Variants in ARHGEF3 observed in about 807,000 individuals in gnomAD.
ARHGEF3 encodes 59.8 kDA protein.
In ARHGEF3, 28 loss-of-function variants were observed where a neutral mutation model predicts 63.2. The observed-to-expected ratio is 0.44, with a 90% confidence interval of 0.33 to 0.61. The LOEUF is 0.61. Ranked by LOEUF, ARHGEF3 falls within the 20% of genes least tolerant of loss-of-function variation. The pLI is 0.03. For synonymous variants in ARHGEF3, 266 were observed against 254.2 expected, an observed-to-expected ratio of 1.05 and a Z score of -0.44; for missense variants, 533 against 659.3, an observed-to-expected ratio of 0.81 and a Z score of 2.10.
rs1255814409 is a variant in ARHGEF3, at chr3:56,735,187, G to A, written c.1041+1998C>T. On this transcript the variant is annotated intron_variant, in intron 8 of 9. Transcript: ENST00000296315. ...TAATCCCAGCTACTCGGGAAGCTGA[G>A]GCAGGAGAATTGCTTGAACCCTGGA... Among the ~76,000 whole-genome samples, 3 of 152,182 alleles carry A rather than the reference G, an allele frequency of 2.0e-5. 1 individual carries two copies. The highest frequency in any genetic ancestry group is 7.2e-5 in the African/African-American group (3 of 41,442).
intron 8 of ARHGEF3, among the ~76,000 whole-genome samples, chr3:56,734,174 A>G (rs1326907926): frequency 6.6e-6 from 1 of 152,078 alleles, no homozygotes; most frequent in Non-Finnish European, 1.5e-5. Flanking sequence ...GAGCTGGGGT[A>G]TATTTGCTCC....
At chr3:56,777,587 G>T (rs987392659) in intron 1 of ARHGEF3, among the ~76,000 whole-genome samples, 1 of 152,084 alleles carries the variant, frequency 6.6e-6, no homozygotes, top group Non-Finnish European at 1.5e-5. Flanking sequence ...AATGCCTATC[G>T]TACCAATATA....
At chr3:57,000,164 A>AT (rs1702132058) in intron 2 of ARHGEF3, among the ~76,000 whole-genome samples, 1 of 152,158 alleles carries the variant, frequency 6.6e-6, no homozygotes, top group Non-Finnish European at 1.5e-5. Context: ...AATGTTAGCT[A>AT]TTGTCATAGT....
intron 1 of ARHGEF3, among the ~76,000 whole-genome samples, chr3:57,038,651 C>T (rs572087227): frequency 5.1e-4 from 78 of 152,240 alleles, no homozygotes; most frequent in African/African-American, 1.9e-3. Context: ...TGCTATGTTG[C>T]CCAGGCTGGT....
intron 8 of ARHGEF3, among the ~76,000 whole-genome samples, chr3:56,735,402 A>G (rs2033539722): frequency 6.6e-6 from 1 of 152,006 alleles, no homozygotes. Flanking sequence ...CTGACCCAAG[A>G]CTTTATTCAC....
intron 3 of ARHGEF3, among the ~76,000 whole-genome samples, chr3:56,902,216 G>A (rs112176261): frequency 3.0e-4 from 46 of 152,308 alleles, no homozygotes; most frequent in African/African-American, 1.1e-3. Flanking sequence ...GCATGTGTCT[G>A]TGAATGACTG....
chr3:57,078,927 A>C (rs1327245098), intron 1 of ARHGEF3: 1 of 287,664 alleles, frequency 3.5e-6, no homozygotes, highest in African/African-American at 2.2e-5. Context: ...CCCCAGCAGG[A>C]GCGACGGCTA....
intron 2 of ARHGEF3, among the ~76,000 whole-genome samples, chr3:56,976,976 A>AGTACTATTTTCATACTACTACTACTATTC (rs1701148174): frequency 6.6e-6 from 1 of 152,080 alleles, no homozygotes; most frequent in Non-Finnish European, 1.5e-5. Context: ...GGGTAATATT[A>AGTACTATTTTCATACTACTACTACTATTC]GTACTATTTT....
intron 1 of ARHGEF3, among the ~76,000 whole-genome samples, chr3:57,043,856 A>T (rs1704332881): frequency 1.3e-5 from 2 of 152,234 alleles, no homozygotes; most frequent in South Asian, 4.1e-4. Flanking sequence ...AGCCAAGAAG[A>T]TGTACTCAAT....
At chr3:56,766,324 AGAG>A (rs982104375) in intron 2 of ARHGEF3, among the ~76,000 whole-genome samples, 2 of 152,228 alleles carry the variant, frequency 1.3e-5, no homozygotes, top group African/African-American at 4.8e-5. Context: ...TCTAAGGGCC[AGAG>A]GATGGAGCAA....
At chr3:56,879,608 C>T (rs2040701491) in intron 4 of ARHGEF3, among the ~76,000 whole-genome samples, 1 of 151,790 alleles carries the variant, frequency 6.6e-6, no homozygotes, top group Non-Finnish European at 1.5e-5. Flanking sequence ...CTTTCCCAAA[C>T]CCTCGCATCC....
At chr3:56,770,967 G>A (rs2035974186) in intron 2 of ARHGEF3, among the ~76,000 whole-genome samples, 2 of 152,074 alleles carry the variant, frequency 1.3e-5, no homozygotes, top group African/African-American at 2.4e-5. Context: ...CAAAAAATTA[G>A]CCAGGCGTGG....
intron 4 of ARHGEF3, among the ~76,000 whole-genome samples, chr3:56,877,531 C>T (rs1410895763): frequency 6.6e-6 from 1 of 152,018 alleles, no homozygotes; most frequent in Admixed American, 6.6e-5. Flanking sequence ...ATCACCATAC[C>T]TGGCTAATTT....
At chr3:56,981,924 C>T (rs1438865200) in intron 2 of ARHGEF3, among the ~76,000 whole-genome samples, 1 of 152,182 alleles carries the variant, frequency 6.6e-6, no homozygotes, top group Non-Finnish European at 1.5e-5. Context: ...CTTTGGGACA[C>T]TGTGATTCAG....
intron 4 of ARHGEF3, among the ~76,000 whole-genome samples, chr3:56,815,337 T>G (rs183435877): frequency 6.6e-6 from 1 of 152,124 alleles, no homozygotes; most frequent in Admixed American, 6.5e-5. Flanking sequence ...GTATATGGAG[T>G]ATTATCTTGA....
At chr3:57,012,350 C>A (rs1702738224) in intron 2 of ARHGEF3, among the ~76,000 whole-genome samples, 1 of 152,146 alleles carries the variant, frequency 6.6e-6, no homozygotes, top group South Asian at 2.1e-4. Flanking sequence ...CCTCCACCTC[C>A]CGGGTTTAAG....
intron 2 of ARHGEF3, among the ~76,000 whole-genome samples, chr3:57,011,027 G>A (rs1399366940): frequency 6.6e-6 from 1 of 152,198 alleles, no homozygotes; most frequent in African/African-American, 2.4e-5. Context: ...ACCCAAAGTA[G>A]ACTTTAGTAT....
At chr3:57,073,909 T>A in intron 1 of ARHGEF3, 2 of 1,614,164 alleles carry the variant, frequency 1.2e-6, no homozygotes, top group Non-Finnish European at 8.5e-7. Flanking sequence ...GAGCTGACAT[T>A]TCAGGGGGAT....
At chr3:56,932,717 G>A (rs1014736694) in intron 3 of ARHGEF3, among the ~76,000 whole-genome samples, 3 of 152,112 alleles carry the variant, frequency 2.0e-5, no homozygotes, top group African/African-American at 2.4e-5. Context: ...TAAACAAACT[G>A]CTTTCCAGAA....
Sources: gnomAD v4.1 joint callset for allele counts (sites outside exome capture counted in the v4.1 genomes callset) on GRCh38, gnomAD v4.1.1 for gene constraint, MANE v1.5 for transcripts, NCBI Gene and HGNC (gene_info 2026-07-23, HGNC 2026-07-21) for gene names.